The following DUSP13A variants were observed in gnomAD, a reference collection of about 807,000 sequenced individuals.
DUSP13A encodes the protein dual specificity phosphatase 13A.
At chr10:75,107,975 T>C in the DUSP13A span, 1 of 1,602,654 alleles carries the variant, frequency 6.2e-7, no homozygotes, top group Non-Finnish European at 8.5e-7. Flanking sequence ...GATATGGGCT[T>C]GGACCCCAAG....
chr10:75,106,992 C>A, the DUSP13A span, among the ~76,000 whole-genome samples: 1 of 152,198 alleles, frequency 6.6e-6, no homozygotes, highest in African/African-American at 2.4e-5. Flanking sequence ...CCTCCCTGGG[C>A]TCCTATGCTG....
chr10:75,109,136 C>G, the DUSP13A span: 1 of 1,602,934 alleles, frequency 6.2e-7, no homozygotes, highest in Non-Finnish European at 8.5e-7. Flanking sequence ...CCCCCCAGCT[C>G]TGGGAGAGAG....
At chr10:75,106,052 G>A in the DUSP13A span, among the ~76,000 whole-genome samples, 1 of 151,300 alleles carries the variant, frequency 6.6e-6, no homozygotes, top group African/African-American at 2.4e-5. Context: ...CACCTGTTCT[G>A]CCTACCCTTG....
chr10:75,108,994 C>A, the DUSP13A span: 1 of 1,589,284 alleles, frequency 6.3e-7, no homozygotes, highest in Non-Finnish European at 8.6e-7. Context: ...TGCCCCTTGG[C>A]CAGCTACCAC....
At chr10:75,108,859 A>T in the DUSP13A span, 1 of 1,032,592 alleles carries the variant, frequency 9.7e-7, no homozygotes. Flanking sequence ...TGACCTCAGC[A>T]CCCCCGGGGG....
At chr10:75,107,492 A>G in the DUSP13A span, among the ~76,000 whole-genome samples, 2 of 152,330 alleles carry the variant, frequency 1.3e-5, no homozygotes, top group African/African-American at 4.8e-5. Context: ...CTCCTAACTC[A>G]TGGCATGACC....
chr10:75,105,779 G>A, the DUSP13A span: 48 of 1,551,292 alleles, frequency 3.1e-5, no homozygotes, highest in African/African-American at 1.1e-4. Flanking sequence ...ACCGCCTGGC[G>A]CAGGGACAGC....
the DUSP13A span, chr10:75,108,000 G>A: frequency 2.5e-5 from 40 of 1,612,258 alleles, no homozygotes; most frequent in African/African-American, 2.1e-4. Flanking sequence ...ACCCCCAGGC[G>A]TGTTGAGGGC....
the DUSP13A span, chr10:75,107,903 G>C: frequency 1.8e-5 from 25 of 1,404,988 alleles, no homozygotes; most frequent in Non-Finnish European, 2.2e-5. Flanking sequence ...AAAAAGCAGG[G>C]ATGGGAGGGC....
the DUSP13A span, among the ~76,000 whole-genome samples, chr10:75,106,241 C>T: frequency 6.6e-6 from 1 of 151,834 alleles, no homozygotes; most frequent in African/African-American, 2.4e-5. Context: ...CGCTCCTGGC[C>T]TCCAAACCTT....
the DUSP13A span, among the ~76,000 whole-genome samples, chr10:75,106,061 T>TGGGATAG: frequency 2.0e-5 from 3 of 152,060 alleles, no homozygotes; most frequent in Non-Finnish European, 4.4e-5. Flanking sequence ...TGCCTACCCT[T>TGGGATAG]GGGATAGGGT....
At chr10:75,106,096 CTTTTCTTTTT>C in the DUSP13A span, among the ~76,000 whole-genome samples, 1 of 109,040 alleles carries the variant, frequency 9.2e-6, no homozygotes, top group East Asian at 5.6e-4. Context: ...TCTTTTCTTT[CTTTTCTTTTT>C]TTTTTTTTTT....
At chr10:75,105,895 C>T in the DUSP13A span, 1 of 1,540,786 alleles carries the variant, frequency 6.5e-7, no homozygotes, top group Non-Finnish European at 8.8e-7. Context: ...GGTGAAAAAC[C>T]CTGTCCCACA....
the DUSP13A span, chr10:75,107,868 C>T: frequency 5.0e-6 from 6 of 1,206,010 alleles, no homozygotes; most frequent in Non-Finnish European, 6.9e-6. Context: ...TGAGCCACCA[C>T]ACACGGCCTA....
the DUSP13A span, chr10:75,109,129 C>G: frequency 6.2e-7 from 1 of 1,606,476 alleles, no homozygotes; most frequent in East Asian, 2.3e-5. Flanking sequence ...GTCCTCTCCC[C>G]CCAGCTCTGG....
the DUSP13A span, chr10:75,109,112 T>C: frequency 6.2e-7 from 1 of 1,611,742 alleles, no homozygotes; most frequent in African/African-American, 1.3e-5. Context: ...GGGCAAGGCG[T>C]GGCTTTGTCC....
chr10:75,108,413 CG>C, the DUSP13A span: 1 of 917,862 alleles, frequency 1.1e-6, no homozygotes, highest in Non-Finnish European at 1.6e-6. Flanking sequence ...GTGTGTGTGT[CG>C]GGGGATCTTT....
At chr10:75,108,012 C>T in the DUSP13A span, 43 of 1,612,884 alleles carry the variant, frequency 2.7e-5, no homozygotes, top group African/African-American at 3.9e-4. Context: ...GTTGAGGGCA[C>T]GGTGGATGAA....
chr10:75,108,354 C>A, the DUSP13A span: 1 of 1,406,996 alleles, frequency 7.1e-7, no homozygotes, highest in Non-Finnish European at 9.3e-7. Flanking sequence ...GGGTCTGACT[C>A]CACAGCCCTA....
Sources: gnomAD v4.1 joint callset for allele counts (sites outside exome capture counted in the v4.1 genomes callset) on GRCh38, gnomAD v4.1.1 for gene constraint, MANE v1.5 for transcripts, NCBI Gene and HGNC (gene_info 2026-07-23, HGNC 2026-07-21) for gene names.